The following CUL2 variants were observed in gnomAD, a reference collection of about 807,000 sequenced individuals.
CUL2 encodes the protein cullin 2.
In CUL2, 22 loss-of-function variants were observed where a neutral mutation model predicts 110.2. The observed-to-expected ratio is 0.20, with a 90% CI of 0.14 to 0.28. CUL2 has a LOEUF of 0.28. Ranked by LOEUF, CUL2 falls within the 10% of genes least tolerant of loss-of-function variation. The pLI is 1.00. For synonymous variants in CUL2, 279 were observed against 293.2 expected (o/e 0.95, Z 0.49); for missense variants, 631 against 905.5 (o/e 0.70, Z 3.89).
At chr10:35,047,912 A>C (rs1022062574) in intron 6 of CUL2, among the ~76,000 whole-genome samples, 1 of 152,110 alleles carries the variant, frequency 6.6e-6, no homozygotes, top group African/African-American at 2.4e-5. Context: ...TCTCAAAAAA[A>C]AAAAGGAAAA....
At chr10:35,101,783 A>G (rs2087381854) in intron 1 of CUL2, among the ~76,000 whole-genome samples, 1 of 152,344 alleles carries the variant, frequency 6.6e-6, no homozygotes, top group South Asian at 2.1e-4. Context: ...AGCAGTTGCT[A>G]TTGACATTTG....
chr10:35,121,359 CA>C (rs2087676449), intron 1 of CUL2, among the ~76,000 whole-genome samples: 4 of 152,188 alleles, frequency 2.6e-5, no homozygotes, highest in African/African-American at 9.7e-5. Context: ...TCCCAAGTAG[CA>C]GCAACTATAG....
rs2084866903 is a variant in CUL2, at chr10:35,010,303, G to T, written c.*8C>A. Reference sequence around the variant, plus strand: ...GATCTTCTCACACCACGCTGGAGGAGAGCGACATCACGCGACGTAGCTGTA... The same window carrying T: ...GATCTTCTCACACCACGCTGGAGGATAGCGACATCACGCGACGTAGCTGTA... On this transcript the variant is annotated 3_prime_UTR_variant, in exon 21 of 21. Transcript: ENST00000374749. The T allele has an allele frequency of 9.4e-6, 15 of 1,602,756 alleles. No individual in the cohort carries two copies. Among genetic ancestry groups the T allele is most frequent in the Non-Finnish European group, 1.2e-5 (14 of 1,174,132 alleles).
At chr10:35,047,301 TAAA>T (rs1174061748) in intron 6 of CUL2, among the ~76,000 whole-genome samples, 1 of 152,080 alleles carries the variant, frequency 6.6e-6, no homozygotes, top group Non-Finnish European at 1.5e-5. Flanking sequence ...TAGATTACAA[TAAA>T]AAATAATTTG....
intron 17 of CUL2, among the ~76,000 whole-genome samples, chr10:35,019,111 T>C (rs2085121624): frequency 6.6e-6 from 1 of 152,220 alleles, no homozygotes; most frequent in Non-Finnish European, 1.5e-5. Flanking sequence ...ATTACATAAA[T>C]TGCATTTTGT....
At chr10:35,074,503 G>A (rs1252509538) in intron 1 of CUL2, among the ~76,000 whole-genome samples, 1 of 151,964 alleles carries the variant, frequency 6.6e-6, no homozygotes, top group Non-Finnish European at 1.5e-5. Flanking sequence ...TGGTCCACTA[G>A]CTTTTTTTTT....
At chr10:35,071,471 C>T (rs1297188436) in intron 1 of CUL2, 132 bp from the exon 2 acceptor site, 1 of 681,632 alleles carries the variant, frequency 1.5e-6, no homozygotes, top group Non-Finnish European at 2.4e-6. Flanking sequence ...ATGGCGTGAT[C>T]TTGGCTCACT....
chr10:35,088,290 A>G (rs556313123), intron 1 of CUL2, among the ~76,000 whole-genome samples: 1 of 152,222 alleles, frequency 6.6e-6, no homozygotes, highest in South Asian at 2.1e-4. Context: ...AGGGCGGATC[A>G]TGAGGTCAAG....
chr10:35,024,825 T>C (rs2134685365), intron 17 of CUL2, among the ~76,000 whole-genome samples: 1 of 152,304 alleles, frequency 6.6e-6, no homozygotes, highest in South Asian at 2.1e-4. Flanking sequence ...AGTTTCTAAG[T>C]GTGTCTGCCC....
chr10:35,071,707 C>T (rs964835749), intron 1 of CUL2, among the ~76,000 whole-genome samples: 1 of 152,172 alleles, frequency 6.6e-6, no homozygotes, highest in African/African-American at 2.4e-5. Context: ...CACACCCGGC[C>T]AGTTATTTGT....
At chr10:35,067,163 T>C (rs1238319289) in intron 2 of CUL2, among the ~76,000 whole-genome samples, 1 of 131,582 alleles carries the variant, frequency 7.6e-6, no homozygotes, top group African/African-American at 2.7e-5. Flanking sequence ...AAAAAAGAAA[T>C]GAAGACAACA....
chr10:35,085,051 C>T (rs145631132), intron 1 of CUL2, among the ~76,000 whole-genome samples: 2,105 of 151,948 alleles, frequency 0.014, 52 homozygotes, highest in African/African-American at 0.048. Context: ...ATGCCAGAGG[C>T]GGAGAATGCA....
chr10:35,092,640 T>C (rs2087229161), upstream of CUL2, among the ~76,000 whole-genome samples: 3 of 152,206 alleles, frequency 2.0e-5, no homozygotes, highest in Admixed American at 2.0e-4. Context: ...CAAAACATGA[T>C]AGTAAGAGGA....
intron 1 of CUL2, among the ~76,000 whole-genome samples, chr10:35,117,828 T>C (rs2087627581): frequency 6.6e-6 from 1 of 152,236 alleles, no homozygotes; most frequent in African/African-American, 2.4e-5. Context: ...GCATTACATG[T>C]ATTTTTATAA....
intron 1 of CUL2, among the ~76,000 whole-genome samples, chr10:35,080,799 A>G (rs2086928769): frequency 6.6e-6 from 1 of 152,184 alleles, no homozygotes; most frequent in Non-Finnish European, 1.5e-5. Context: ...GAGTTGGGGA[A>G]AAAAGAGTGA....
At chr10:35,013,242 G>C (rs998312286) in intron 19 of CUL2, among the ~76,000 whole-genome samples, 1 of 151,774 alleles carries the variant, frequency 6.6e-6, no homozygotes, top group African/African-American at 2.4e-5. Context: ...CTACTCAGGA[G>C]GCTGAGGCAG....
At chr10:35,022,285 A>T (rs942946019) in intron 17 of CUL2, among the ~76,000 whole-genome samples, 2 of 152,222 alleles carry the variant, frequency 1.3e-5, no homozygotes. Context: ...GTTGTGAGCT[A>T]ATAACTCCAG....
At chr10:35,063,757 T>C in intron 2 of CUL2, 1 of 151,848 alleles carries the variant, frequency 6.6e-6, no homozygotes, top group East Asian at 1.9e-4. Context: ...TCCTTTTTTT[T>C]TTTTTTTTTT....
At chr10:35,122,208 G>A (rs1337124172) in intron 1 of CUL2, among the ~76,000 whole-genome samples, 1 of 152,188 alleles carries the variant, frequency 6.6e-6, no homozygotes, top group African/African-American at 2.4e-5. Context: ...GGCCTGCATA[G>A]AAATGCTTTT....
Sources: gnomAD v4.1 joint callset for allele counts (sites outside exome capture counted in the v4.1 genomes callset) on GRCh38, gnomAD v4.1.1 for gene constraint, MANE v1.5 for transcripts, NCBI Gene and HGNC (gene_info 2026-07-23, HGNC 2026-07-21) for gene names.